The following FRK variants were observed in gnomAD, a reference collection of about 807,000 sequenced individuals.
FRK encodes fyn related Src family tyrosine kinase.
A neutral mutation model predicts 56.4 loss-of-function variants in FRK; 51 were observed. That is an observed-to-expected ratio of 0.90 (90% CI 0.72 to 1.14). FRK has a LOEUF of 1.14. FRK is among the 50% of genes most tolerant of loss of function. The pLI is 0.00. For missense variants in FRK, 570 were observed against 601.4 expected (o/e 0.95, Z 0.55); for synonymous variants, 245 against 217.9 (o/e 1.12, Z -1.10).
At chr6:115,955,154 G>T (rs1392227170) in intron 5 of FRK, among the ~76,000 whole-genome samples, 1 of 151,996 alleles carries the variant, frequency 6.6e-6, no homozygotes, top group Non-Finnish European at 1.5e-5. Flanking sequence ...AACAGTCTTG[G>T]AGAACTCCAA....
At chr6:116,065,697 T>C (rs769260582), upstream of FRK, among the ~76,000 whole-genome samples, 7 of 152,348 alleles carry the variant, frequency 4.6e-5, no homozygotes, top group Non-Finnish European at 7.3e-5. Context: ...CAGCATAACC[T>C]ATACCCATTT....
chr6:116,065,830 T>G (rs1298654059), upstream of FRK, among the ~76,000 whole-genome samples: 1 of 152,216 alleles, frequency 6.6e-6, no homozygotes, highest in Non-Finnish European at 1.5e-5. Flanking sequence ...TTGAGTGAAA[T>G]CTAATGAATG....
chr6:116,011,045 T>C (rs1671161579), intron 1 of FRK, among the ~76,000 whole-genome samples: 2 of 152,042 alleles, frequency 1.3e-5, no homozygotes, highest in Admixed American at 6.6e-5. Flanking sequence ...AGCTGTCCTG[T>C]GATTAACTGG....
intron 2 of FRK, among the ~76,000 whole-genome samples, chr6:115,994,156 T>C (rs2076104010): frequency 6.6e-6 from 1 of 152,028 alleles, no homozygotes; most frequent in African/African-American, 2.4e-5. Context: ...GAGACTTTAG[T>C]ATGCTTTGTC....
chr6:116,003,835 A>G, intron 2 of FRK, 42 bp downstream of exon 2: 1 of 1,604,238 alleles, frequency 6.2e-7, no homozygotes, highest in Non-Finnish European at 8.5e-7. Flanking sequence ...ATGACTGCAG[A>G]CTCTCAAGCT....
the FRK span, among the ~76,000 whole-genome samples, chr6:116,090,966 T>C: frequency 1.3e-5 from 2 of 152,244 alleles, no homozygotes; most frequent in Admixed American, 1.3e-4. Flanking sequence ...ATTTCATTGC[T>C]CTACCATTTG....
Position 115,941,592 on chromosome 6 carries a change from C to T in FRK, c.*822G>A, listed in dbSNP as rs1772184896. On this transcript the variant is annotated 3_prime_UTR_variant, in exon 8 of 8. Transcript: ENST00000606080. ...CTCAGAAGTCTAGGCCACAGCAATC[C>T]TACTGTTCTCCTCTCATTTTCCTAA... is the stretch of plus-strand genomic sequence containing the variant. The T allele has an allele frequency of 6.6e-6, 1 of 152,082 alleles. No individual in the cohort carries two copies. 9.4% of individuals were successfully genotyped at this position (152,082 alleles called of 1,614,324 possible).
chr6:116,069,831 A>C, the FRK span, among the ~76,000 whole-genome samples: 1 of 152,124 alleles, frequency 6.6e-6, no homozygotes, highest in Non-Finnish European at 1.5e-5. Flanking sequence ...CCACCCAGGG[A>C]TCCTGTAAAA....
At chr6:116,089,182 T>C in the FRK span, among the ~76,000 whole-genome samples, 1 of 152,202 alleles carries the variant, frequency 6.6e-6, no homozygotes, top group Non-Finnish European at 1.5e-5. Flanking sequence ...AATCCCTAGA[T>C]AAAAAGGCTT....
At chr6:116,010,917 T>A (rs1457155491) in intron 1 of FRK, among the ~76,000 whole-genome samples, 1 of 152,180 alleles carries the variant, frequency 6.6e-6, no homozygotes, top group Admixed American at 6.5e-5. Context: ...CTTATTTCTT[T>A]GTTTGTATTA....
At chr6:115,948,655 C>T (rs1772569528) in intron 5 of FRK, among the ~76,000 whole-genome samples, 1 of 152,196 alleles carries the variant, frequency 6.6e-6, no homozygotes. Context: ...AAATCTATAT[C>T]TCTTGCTGCA....
At chr6:116,046,679 T>C (rs1377711917) in intron 1 of FRK, among the ~76,000 whole-genome samples, 2 of 151,918 alleles carry the variant, frequency 1.3e-5, no homozygotes, top group Non-Finnish European at 2.9e-5. Context: ...ATACCTAAGG[T>C]AGGTGATGGG....
At chr6:115,950,783 T>C (rs1772712557) in intron 5 of FRK, among the ~76,000 whole-genome samples, 1 of 152,218 alleles carries the variant, frequency 6.6e-6, no homozygotes. Flanking sequence ...TGCCCATCAA[T>C]GTTGGACTGG....
intron 1 of FRK, among the ~76,000 whole-genome samples, chr6:116,013,834 A>C (rs913154508): frequency 2.0e-5 from 3 of 152,186 alleles, no homozygotes; most frequent in African/African-American, 7.2e-5. Flanking sequence ...CCATTCAAGA[A>C]GGGTCAATAA....
chr6:116,024,089 CA>C (rs1237801727), intron 1 of FRK, among the ~76,000 whole-genome samples: 1 of 151,648 alleles, frequency 6.6e-6, no homozygotes, highest in African/African-American at 2.4e-5. Flanking sequence ...CACACACACA[CA>C]CACACACACA....
At chr6:115,996,771 C>A (rs952336693) in intron 2 of FRK, among the ~76,000 whole-genome samples, 1 of 152,126 alleles carries the variant, frequency 6.6e-6, no homozygotes, top group African/African-American at 2.4e-5. Flanking sequence ...ACATGTTCTT[C>A]TACTGAAGGA....
chr6:116,069,829 G>C, the FRK span, among the ~76,000 whole-genome samples: 1 of 151,990 alleles, frequency 6.6e-6, no homozygotes, highest in Non-Finnish European at 1.5e-5. Flanking sequence ...AACCACCCAG[G>C]GATCCTGTAA....
intron 2 of FRK, among the ~76,000 whole-genome samples, chr6:115,990,273 T>C (rs931620560): frequency 6.6e-6 from 1 of 152,006 alleles, no homozygotes; most frequent in African/African-American, 2.4e-5. Context: ...AGAAGCTCTT[T>C]AGTTTAATTA....
At chr6:116,009,725 A>G (rs910749872) in intron 1 of FRK, among the ~76,000 whole-genome samples, 7 of 152,234 alleles carry the variant, frequency 4.6e-5, no homozygotes, top group Non-Finnish European at 5.9e-5. Flanking sequence ...TCTGTTTTAG[A>G]TGAAAATAGT....
Sources: gnomAD v4.1 joint callset for allele counts (sites outside exome capture counted in the v4.1 genomes callset) on GRCh38, gnomAD v4.1.1 for gene constraint, MANE v1.5 for transcripts, NCBI Gene and HGNC (gene_info 2026-07-23, HGNC 2026-07-21) for gene names.